Variants in NIPA1 observed in about 807,000 individuals in gnomAD.
The protein encoded by NIPA1 is magnesium transporter NIPA1.
Under a neutral mutation model 23.9 loss-of-function variants are expected in NIPA1, and 13 were observed. That is an observed-to-expected ratio of 0.54 (90% CI 0.35 to 0.87). The LOEUF is 0.87. NIPA1 is among the 40% of genes least tolerant of loss of function. The pLI is 0.01. For missense variants in NIPA1, 362 were observed against 429.7 expected, an observed-to-expected ratio of 0.84 and a Z score of 1.39; for synonymous variants, 234 against 202.9, an observed-to-expected ratio of 1.15 and a Z score of -1.30.
chr15:22,802,216 AC>A (rs1243727605), intron 1 of NIPA1, among the ~76,000 whole-genome samples: 9 of 152,036 alleles, frequency 5.9e-5, no homozygotes, highest in African/African-American at 2.2e-4. Context: ...ACATGGTGAA[AC>A]CCTGTCTCTA....
intron 1 of NIPA1, among the ~76,000 whole-genome samples, chr15:22,809,492 T>G (rs1280256309): frequency 6.6e-6 from 1 of 151,954 alleles, no homozygotes; most frequent in East Asian, 1.9e-4. Context: ...ACACCTGTAA[T>G]CCAGCAGTTT....
intron 1 of NIPA1, among the ~76,000 whole-genome samples, chr15:22,796,842 T>A (rs1254403118): frequency 6.6e-6 from 1 of 152,102 alleles, no homozygotes; most frequent in Non-Finnish European, 1.5e-5. Flanking sequence ...CCGGGGCTCT[T>A]TACTGTGATA....
At chr15:22,800,146 A>G (rs1449000960) in intron 1 of NIPA1, among the ~76,000 whole-genome samples, 1 of 151,842 alleles carries the variant, frequency 6.6e-6, no homozygotes, top group Non-Finnish European at 1.5e-5. Context: ...AAACCTGCCC[A>G]TGGTCCCCTG....
intron 1 of NIPA1, among the ~76,000 whole-genome samples, chr15:22,788,557 A>C (rs570551177): frequency 1.5e-4 from 23 of 151,556 alleles, no homozygotes; most frequent in Non-Finnish European, 2.9e-4. Context: ...AGGTCATGGA[A>C]TCTGAAAGCA....
At chr15:22,789,024 G>A (rs956683393) in intron 1 of NIPA1, among the ~76,000 whole-genome samples, 14 of 147,686 alleles carry the variant, frequency 9.5e-5, no homozygotes, top group Middle Eastern at 3.5e-3. Flanking sequence ...ACGGAGTTTC[G>A]CTCTTGTTGC....
chr15:22,814,023 C>A, intron 3 of NIPA1: 1 of 826,692 alleles, frequency 1.2e-6, no homozygotes, highest in Non-Finnish European at 1.8e-6. Context: ...TAGAACTGTT[C>A]TCATGCACTT....
chr15:22,794,111 T>G (rs142997423), intron 1 of NIPA1, among the ~76,000 whole-genome samples: 1 of 152,044 alleles, frequency 6.6e-6, no homozygotes, highest in Non-Finnish European at 1.5e-5. Flanking sequence ...TGCTGTTATA[T>G]TGACAGGGAT....
Position 22,812,527 on chromosome 15 carries a change from C to G in NIPA1, c.317+274C>G, listed in dbSNP as rs58197448. The stretch of plus-strand genomic sequence containing the variant: ...AATTAGCTGGACATGGTGGCGACCA[C>G]CTGTAGTCCTAGCTACTCGGGAGGG... On this transcript the variant is annotated intron_variant, in intron 3 of 4. Coordinates refer to ENST00000337435, the MANE Select transcript of NIPA1 (RefSeq NM_144599.5). 0.012 allele frequency among the ~76,000 whole-genome samples: 1,768 copies of G among 152,052 alleles called. 36 individuals are homozygous for G. Among genetic ancestry groups the G allele is most frequent in the African/African-American group, 0.04 (1,639 of 41,452 alleles).
intron 1 of NIPA1, among the ~76,000 whole-genome samples, chr15:22,788,104 A>G (rs970937433): frequency 6.6e-6 from 1 of 152,100 alleles, no homozygotes; most frequent in Non-Finnish European, 1.5e-5. Flanking sequence ...GAGATGGTCA[A>G]CGCGCGTGAC....
At chr15:22,798,389 G>A (rs1475540714) in intron 1 of NIPA1, among the ~76,000 whole-genome samples, 3 of 148,664 alleles carry the variant, frequency 2.0e-5, no homozygotes, top group Non-Finnish European at 4.5e-5. Context: ...ACAGGCGCCC[G>A]CCACCATGCC....
intron 1 of NIPA1, among the ~76,000 whole-genome samples, chr15:22,797,281 C>T (rs2140852850): frequency 6.6e-6 from 1 of 151,930 alleles, no homozygotes; most frequent in East Asian, 1.9e-4. Flanking sequence ...GTGATCTCTG[C>T]TCACTGCAAG....
At chr15:22,813,501 T>C (rs1454829520) in intron 3 of NIPA1, 1 of 379,464 alleles carries the variant, frequency 2.6e-6, no homozygotes, top group Non-Finnish European at 5.2e-6. Flanking sequence ...TTAAATAACA[T>C]ATATCCTCGT....
At chr15:22,786,976 G>C (rs1894721318) in intron 1 of NIPA1, 142 bp downstream of exon 1, 1 of 435,264 alleles carries the variant, frequency 2.3e-6, no homozygotes, top group African/African-American at 2.1e-5. Flanking sequence ...CTGCGCGGGC[G>C]GGTGCTCCCC....
Position 22,824,021 on chromosome 15 carries a change from T to A in NIPA1, c.772T>A (p.Ser258Thr). The change falls in exon 5 of 5, where the codon TCG becomes ACG. Residue 258 changes from serine to threonine, a missense_variant. Physicochemically the swap from Ser to Thr is moderately conservative, Grantham distance 58. This residue lies in a region of NIPA1 where 277 missense variants were observed against 372.0 expected (regional missense o/e 0.74). Coordinates refer to ENST00000337435, the MANE Select transcript of NIPA1 (RefSeq NM_144599.5). This position sits in a 1 kb window ranked among gnomAD's most constrained non-coding sequence, Gnocchi z 4.1. ...INKALECFDS[S>T]VFGAIYYVVF... ...CAAGGCGCTGGAGTGCTTCGACTCCTCGGTGTTCGGGGCCATCTACTACGT... is the reference window on the plus strand; with the variant it reads ...CAAGGCGCTGGAGTGCTTCGACTCCACGGTGTTCGGGGCCATCTACTACGT... 6.2e-7 allele frequency: 1 copy of A among 1,614,154 alleles called. No individual in the cohort carries two copies. The highest frequency in any genetic ancestry group is 8.5e-7 in the Non-Finnish European group (1 of 1,179,992).
intron 3 of NIPA1, among the ~76,000 whole-genome samples, chr15:22,818,580 G>T (rs1199767597): frequency 6.6e-6 from 1 of 152,040 alleles, no homozygotes; most frequent in African/African-American, 2.4e-5. Flanking sequence ...TGAATCACTT[G>T]AGGTCAGGAG....
chr15:22,795,312 A>G (rs1010319861), intron 1 of NIPA1, among the ~76,000 whole-genome samples: 5 of 152,188 alleles, frequency 3.3e-5, no homozygotes, highest in Admixed American at 1.3e-4. Context: ...TGCGTACCGA[A>G]GCCCCATGGT....
chr15:22,792,452 A>G (rs927859197), intron 1 of NIPA1, among the ~76,000 whole-genome samples: 6 of 151,764 alleles, frequency 4.0e-5, no homozygotes, highest in African/African-American at 9.7e-5. Context: ...TCCGCCTCCC[A>G]GGTTCACGCC....
intron 4 of NIPA1, 72 bp downstream of exon 4, chr15:22,820,545 A>G: frequency 1.8e-6 from 2 of 1,106,684 alleles, no homozygotes; most frequent in Non-Finnish European, 2.8e-6. Context: ...CACGTCTTCA[A>G]ATTGGATGCT....
chr15:22,823,981 G>C lies in NIPA1; in HGVS notation c.732G>C (p.Gln244His). The C allele has an allele frequency of 6.2e-7, 1 of 1,614,216 alleles. No homozygotes were observed. The highest frequency in any genetic ancestry group is 8.5e-7 in the Non-Finnish European group (1 of 1,180,040). Residue 244 changes from glutamine to histidine, a missense_variant, in exon 5 of 5, where the codon CAG (glutamine) becomes CAC (histidine). This residue lies in a region of NIPA1 where 277 missense variants were observed against 372.0 expected (regional missense o/e 0.74). Transcript: ENST00000337435. ...TGCTCGGCTGCAGCATCATCGTCCA[G>C]TTCAGGTACATCAACAAGGCGCTGG... ...LAVLGCSIIV[Q>H]FRYINKALEC...
Sources: gnomAD v4.1 joint callset for allele counts (sites outside exome capture counted in the v4.1 genomes callset) on GRCh38, gnomAD v4.1.1 for gene constraint, gnomAD v4.1.1 regional missense constraint, Gnocchi (gnomAD v3.1) non-coding constraint, MANE v1.5 for transcripts, NCBI Gene and HGNC (gene_info 2026-07-23, HGNC 2026-07-21) for gene names.